Variants in NT5C3A observed in about 807,000 individuals in gnomAD.
NT5C3A encodes 5'-nucleotidase, cytosolic IIIA.
NT5C3A carries 23 observed loss-of-function variants against 40.0 expected under a neutral mutation model. The observed-to-expected ratio is 0.58, with a 90% confidence interval of 0.41 to 0.81. The LOEUF (loss-of-function observed/expected upper bound fraction) is 0.81, where lower values mean the gene tolerates loss of function less well. NT5C3A is among the 40% of genes least tolerant of loss of function. The pLI, the probability that NT5C3A is intolerant of heterozygous loss-of-function variation, is 0.00. For synonymous variants in NT5C3A, 130 were observed against 141.4 expected (o/e 0.92, Z 0.57); for missense variants, 328 against 403.0 (o/e 0.81, Z 1.59).
intron 1 of NT5C3A, chr7:33,029,548 G>T: frequency 2.9e-6 from 2 of 697,002 alleles, no homozygotes; most frequent in Non-Finnish European, 4.4e-6. Context: ...TATGGTGAAA[G>T]CAACACAGGA....
intron 1 of NT5C3A, among the ~76,000 whole-genome samples, chr7:33,050,721 G>A (rs949555243): frequency 6.6e-6 from 1 of 152,214 alleles, no homozygotes; most frequent in Non-Finnish European, 1.5e-5. Flanking sequence ...CCTTGAAAAT[G>A]AGGAAGATAA....
At chr7:33,021,390 T>C in intron 4 of NT5C3A, 33 bp from the exon 5 acceptor site, 1 of 1,602,206 alleles carries the variant, frequency 6.2e-7, no homozygotes, top group Non-Finnish European at 8.5e-7. Flanking sequence ...ATCATGAAGA[T>C]TACTTGAAAA....
chr7:33,015,655 G>C lies in NT5C3A; in HGVS notation c.894+15C>G. On this transcript the variant is annotated intron_variant, in intron 8 of 8. Transcript: ENST00000610140. ...AATATTTTCTTCGAAAAAAATTACA[G>C]ATTTGTATACTTACTCTATCATTTA... 1.9e-6 allele frequency: 3 copies of C among 1,539,696 alleles called. No homozygotes were observed. The highest frequency in any genetic ancestry group is 2.7e-6 in the Non-Finnish European group (3 of 1,115,584).
At chr7:33,033,427 G>A (rs1170397150) in intron 1 of NT5C3A, among the ~76,000 whole-genome samples, 1 of 152,130 alleles carries the variant, frequency 6.6e-6, no homozygotes, top group Non-Finnish European at 1.5e-5. Context: ...AGATAGTGTA[G>A]GCCAAATTCT....
At chr7:33,031,121 A>AG (rs1228640551) in intron 1 of NT5C3A, among the ~76,000 whole-genome samples, 15 of 151,078 alleles carry the variant, frequency 9.9e-5, no homozygotes, top group South Asian at 2.1e-4. Flanking sequence ...AAAAAAAAAA[A>AG]AGAGAGAAGC....
intron 1 of NT5C3A, among the ~76,000 whole-genome samples, chr7:33,056,199 C>T (rs1188541883): frequency 6.6e-6 from 1 of 151,732 alleles, no homozygotes; most frequent in Non-Finnish European, 1.5e-5. Context: ...GTATAAATTG[C>T]TAAATTATGA....
In NT5C3A at chr7:33,023,947, T is replaced by C. The variant is rs1785773337; in HGVS notation, c.307+92A>G. On this transcript the variant is annotated intron_variant, in intron 3 of 8. Coordinates refer to ENST00000610140, the MANE Select transcript of NT5C3A (RefSeq NM_001002010.5). ...CACTGTCAATGTCCAAGAAGAATTT[T>C]AAAAACCCAGTTATCTCACAGGTAA... 3.8e-6 allele frequency: 3 copies of C among 797,426 alleles called. No homozygotes were observed. In the South Asian group the frequency reaches 4.3e-5, roughly 11 times the overall value. 49.4% of individuals were successfully genotyped at this position (797,426 alleles called of 1,614,324 possible). A position where few individuals can be genotyped will look rare whatever the true frequency, so the allele number is the denominator to read the frequency against.
intron 1 of NT5C3A, among the ~76,000 whole-genome samples, chr7:33,056,378 T>C (rs1787568314): frequency 7.0e-6 from 1 of 142,450 alleles, no homozygotes; most frequent in South Asian, 2.2e-4. Flanking sequence ...GGTTCACACC[T>C]ATAATCCCAG....
At chr7:33,046,761 T>C (rs560905015) in intron 1 of NT5C3A, among the ~76,000 whole-genome samples, 6 of 152,136 alleles carry the variant, frequency 3.9e-5, no homozygotes, top group African/African-American at 1.4e-4. Context: ...TGGCTCTCCT[T>C]TCAAATGCCA....
intron 6 of NT5C3A, among the ~76,000 whole-genome samples, chr7:33,018,215 G>A (rs546722695): frequency 6.6e-6 from 1 of 152,224 alleles, no homozygotes; most frequent in African/African-American, 2.4e-5. Context: ...TTAAAATTAT[G>A]AAGAATGACT....
At chr7:33,034,332 C>T (rs1158487285) in intron 1 of NT5C3A, among the ~76,000 whole-genome samples, 1 of 152,114 alleles carries the variant, frequency 6.6e-6, no homozygotes, top group South Asian at 2.1e-4. Flanking sequence ...TACTTGCCTC[C>T]ACAAACACCT....
At position 33,016,127 on chromosome 7, in the gene NT5C3A, G is replaced by A. The variant is rs568110411; in HGVS notation, c.694-257C>T. 4.6e-5 allele frequency among the ~76,000 whole-genome samples: 7 copies of A among 152,262 alleles called. No homozygotes were observed. In the East Asian group the frequency reaches 9.6e-4, roughly 21 times the overall value. The stretch of plus-strand genomic sequence containing the variant: ...GCAGGGGCTCACACCTGTAATCCCA[G>A]CACTTTGGGAGGCCAAGGAGGACAG... On this transcript the variant is annotated intron_variant, in intron 7 of 8. Coordinates refer to ENST00000610140, the MANE Select transcript of NT5C3A (RefSeq NM_001002010.5).
At chr7:33,016,561 C>T (rs937312088) in intron 7 of NT5C3A, among the ~76,000 whole-genome samples, 35 of 150,038 alleles carry the variant, frequency 2.3e-4, no homozygotes, top group African/African-American at 8.1e-4. Flanking sequence ...CCCAGCTACT[C>T]GGGAGGCTGA....
intron 6 of NT5C3A, among the ~76,000 whole-genome samples, chr7:33,018,976 G>A (rs1273003528): frequency 6.6e-6 from 1 of 151,968 alleles, no homozygotes; most frequent in African/African-American, 2.4e-5. Flanking sequence ...TGTAAATTTA[G>A]ACATAGTATA....
chr7:33,033,540 G>A (rs770515400), intron 1 of NT5C3A, among the ~76,000 whole-genome samples: 25 of 152,284 alleles, frequency 1.6e-4, no homozygotes, highest in Middle Eastern at 6.8e-3. Context: ...ATTCTCTAAT[G>A]TGGATTAAAA....
In NT5C3A at chr7:33,024,049, TG is replaced by T; in HGVS notation, c.296del (p.Pro99GlnfsTer24). On this transcript the variant is annotated frameshift_variant, in exon 3 of 9. Transcript: ENST00000610140. LOFTEE classifies it high-confidence loss of function. ...SRFSYKGKRC[P>X]TCHNIIDNCK... ...AAATATCACACTTACTATGACATGT[TG>T]GGCATCTTTTCCCTTTATATGAAAA... The T allele has an allele frequency of 6.4e-7, 1 of 1,554,066 alleles. No individual in the cohort carries two copies. The highest frequency in any genetic ancestry group is 8.9e-7 in the Non-Finnish European group (1 of 1,125,968).
intron 4 of NT5C3A, 122 bp from the exon 5 acceptor site, chr7:33,021,479 G>A (rs551148223): frequency 4.2e-6 from 5 of 1,187,702 alleles, no homozygotes; most frequent in Admixed American, 5.8e-5. Context: ...TTGAGCTAAT[G>A]CATCAATTGA....
chr7:33,047,094 T>C (rs1356211225), intron 1 of NT5C3A, among the ~76,000 whole-genome samples: 1 of 151,846 alleles, frequency 6.6e-6, no homozygotes, highest in East Asian at 1.9e-4. Flanking sequence ...TATAGCTGAA[T>C]CTCTATGATT....
intron 1 of NT5C3A, chr7:33,041,001 G>A (rs1204990096): frequency 3.0e-6 from 3 of 985,350 alleles, no homozygotes; most frequent in Non-Finnish European, 3.6e-6. Context: ...AAAACCTTGT[G>A]ACGCACTGCT....
Sources: gnomAD v4.1 joint callset for allele counts (sites outside exome capture counted in the v4.1 genomes callset) on GRCh38, gnomAD v4.1.1 for gene constraint, MANE v1.5 for transcripts, NCBI Gene and HGNC (gene_info 2026-07-23, HGNC 2026-07-21) for gene names.